The following ROBO1 variants were observed in gnomAD, a reference collection of about 807,000 sequenced individuals.
The protein encoded by ROBO1 is roundabout homolog 1.
ROBO1 carries 149 observed loss-of-function variants against 195.9 expected under a neutral mutation model. That is an observed-to-expected ratio of 0.76 (90% CI 0.67 to 0.87). ROBO1 has a LOEUF of 0.87. Among genes scored for constraint, ROBO1 ranks in the 40% least tolerant of loss-of-function variants. The probability of loss-of-function intolerance (pLI) is 0.00; values close to 1 mark genes in which losing one functional copy is unlikely to be tolerated. For synonymous variants in ROBO1, 816 were observed against 733.2 expected (o/e 1.11, Z -1.82); for missense variants, 1,933 against 2,068.3 (o/e 0.93, Z 1.27).
intron 2 of ROBO1, among the ~76,000 whole-genome samples, chr3:79,576,417 A>T (rs752319287): frequency 6.6e-6 from 1 of 152,038 alleles, no homozygotes; most frequent in Non-Finnish European, 1.5e-5. Flanking sequence ...TTTTAAAAGT[A>T]ATAATACCTA....
intron 4 of ROBO1, among the ~76,000 whole-genome samples, chr3:78,781,784 A>AT (rs2083685086): frequency 6.6e-6 from 1 of 152,322 alleles, no homozygotes; most frequent in South Asian, 2.1e-4. Context: ...AACAATATGT[A>AT]TTTTTAATCT....
At chr3:79,711,173 C>A (rs1219100770) in intron 1 of ROBO1, among the ~76,000 whole-genome samples, 3 of 152,058 alleles carry the variant, frequency 2.0e-5, no homozygotes, top group Admixed American at 6.6e-5. Flanking sequence ...GGATCTTGCA[C>A]TTAGTTTGAC....
intron 3 of ROBO1, among the ~76,000 whole-genome samples, chr3:79,116,750 G>A (rs541633634): frequency 4.6e-5 from 7 of 151,806 alleles, no homozygotes; most frequent in African/African-American, 7.2e-5. Context: ...ACTCCTGACC[G>A]TAAGTGATCC....
At chr3:78,951,958 T>G (rs2040816177) in intron 3 of ROBO1, among the ~76,000 whole-genome samples, 1 of 151,942 alleles carries the variant, frequency 6.6e-6, no homozygotes, top group African/African-American at 2.4e-5. Context: ...CATAAACATA[T>G]GTATTAAAAG....
At chr3:78,811,396 T>G (rs1429503228) in intron 4 of ROBO1, among the ~76,000 whole-genome samples, 2 of 152,182 alleles carry the variant, frequency 1.3e-5, no homozygotes, top group South Asian at 4.1e-4. Context: ...CGTTTGCTAC[T>G]TGGAAGTATT....
At chr3:79,212,260 T>G (rs1489671421) in intron 2 of ROBO1, among the ~76,000 whole-genome samples, 3 of 152,088 alleles carry the variant, frequency 2.0e-5, no homozygotes, top group Non-Finnish European at 2.9e-5. Flanking sequence ...TGGGGCCAGT[T>G]TGTGGCCAGA....
chr3:79,529,330 A>G (rs564755331), intron 2 of ROBO1, among the ~76,000 whole-genome samples: 5 of 152,132 alleles, frequency 3.3e-5, no homozygotes, highest in South Asian at 4.2e-4. Flanking sequence ...AAATTAAACA[A>G]AAAAAATTAG....
At chr3:79,186,851 T>C (rs968737443) in intron 2 of ROBO1, among the ~76,000 whole-genome samples, 5 of 152,104 alleles carry the variant, frequency 3.3e-5, no homozygotes, top group Non-Finnish European at 7.4e-5. Context: ...GAATATCGCA[T>C]AGGAAATGTT....
At chr3:78,746,636 G>A (rs1325562770) in intron 5 of ROBO1, 107 bp downstream of exon 5, 29 of 932,834 alleles carry the variant, frequency 3.1e-5, no homozygotes, top group Middle Eastern at 3.9e-4. Context: ...GGGAGCTGAC[G>A]CAAGCCTTTA....
intron 3 of ROBO1, among the ~76,000 whole-genome samples, chr3:79,083,824 T>C (rs527566002): frequency 1.3e-5 from 2 of 152,302 alleles, no homozygotes; most frequent in East Asian, 1.9e-4. Context: ...GTGGCAGATA[T>C]CTTCGGAGAA....
chr3:79,503,747 T>A (rs1038110033), intron 2 of ROBO1, among the ~76,000 whole-genome samples: 5 of 152,210 alleles, frequency 3.3e-5, no homozygotes, highest in African/African-American at 1.2e-4. Flanking sequence ...AAAATGATGA[T>A]AAATGGAACC....
intron 1 of ROBO1, among the ~76,000 whole-genome samples, chr3:79,692,204 T>C (rs572748777): frequency 2.0e-5 from 3 of 151,988 alleles, no homozygotes; most frequent in African/African-American, 7.2e-5. Flanking sequence ...ACTATACTTT[T>C]AGAACAAATG....
At chr3:79,133,881 G>C (rs1326904492) in intron 2 of ROBO1, among the ~76,000 whole-genome samples, 1 of 150,714 alleles carries the variant, frequency 6.6e-6, no homozygotes, top group East Asian at 2.0e-4. Context: ...GTCCTTTCTG[G>C]TTGTTAGTTT....
intron 3 of ROBO1, among the ~76,000 whole-genome samples, chr3:79,071,832 T>C (rs1006984829): frequency 6.6e-6 from 1 of 151,666 alleles, no homozygotes; most frequent in African/African-American, 2.4e-5. Context: ...TTTGGTAAAT[T>C]TTGTTTGATG....
At chr3:79,596,249 T>C (rs1302084579) in intron 1 of ROBO1, among the ~76,000 whole-genome samples, 1 of 152,088 alleles carries the variant, frequency 6.6e-6, no homozygotes, top group Non-Finnish European at 1.5e-5. Context: ...TGGAGAGCTC[T>C]GTGCCAGACA....
intron 3 of ROBO1, among the ~76,000 whole-genome samples, chr3:79,112,146 A>T (rs1364277696): frequency 3.9e-5 from 6 of 152,206 alleles, no homozygotes; most frequent in Admixed American, 1.3e-4. Flanking sequence ...TTAAAATGAC[A>T]CATGCGGCTT....
chr3:79,703,544 T>A (rs985562736), intron 1 of ROBO1, among the ~76,000 whole-genome samples: 3 of 151,962 alleles, frequency 2.0e-5, no homozygotes, highest in African/African-American at 7.2e-5. Context: ...ATCATCTTCA[T>A]AATTTTGAAC....
At chr3:79,335,906 C>A (rs968916860) in intron 2 of ROBO1, among the ~76,000 whole-genome samples, 1 of 152,098 alleles carries the variant, frequency 6.6e-6, no homozygotes. Context: ...GAAGTTCAGG[C>A]TGAGGTGGTC....
At chr3:79,695,255 A>T (rs547555482) in intron 1 of ROBO1, among the ~76,000 whole-genome samples, 6 of 151,730 alleles carry the variant, frequency 4.0e-5, no homozygotes, top group Non-Finnish European at 7.4e-5. Flanking sequence ...CTTTTTAATT[A>T]TATTGCCTAT....
Sources: allele counts gnomAD v4.1 joint callset (sites outside exome capture counted in the v4.1 genomes callset), GRCh38; gene constraint gnomAD v4.1.1; transcripts MANE v1.5; gene names NCBI Gene and HGNC (gene_info 2026-07-23, HGNC 2026-07-21).